Variants in PRKG1 observed in about 807,000 individuals in gnomAD.
The protein encoded by PRKG1 is cGMP-dependent protein kinase 1.
Under a neutral mutation model 88.1 loss-of-function variants are expected in PRKG1, and 35 were observed. The ratio of observed to expected loss-of-function variants is 0.40; its 90% CI spans 0.30 to 0.53. The LOEUF is 0.53. Among genes scored for constraint, PRKG1 ranks in the 20% least tolerant of loss-of-function variants. PRKG1 has a pLI of 0.59. For synonymous variants in PRKG1, 303 were observed against 292.5 expected (o/e 1.04, Z -0.37); for missense variants, 540 against 839.8 (o/e 0.64, Z 4.41).
chr10:52,059,937 G>T (rs926022584), intron 6 of PRKG1, among the ~76,000 whole-genome samples: 1 of 151,770 alleles, frequency 6.6e-6, no homozygotes, highest in Non-Finnish European at 1.5e-5. Context: ...GAAGAAAATT[G>T]TATTTAAAAT....
chr10:51,377,187 C>T (rs905896669), intron 2 of PRKG1, among the ~76,000 whole-genome samples: 5 of 152,100 alleles, frequency 3.3e-5, no homozygotes, highest in East Asian at 1.9e-4. Context: ...TTTTATTTCA[C>T]GTAGTAGTTC....
At chr10:52,102,636 AGGGATCTTGGAGACATTC>A (rs1554804233) in intron 7 of PRKG1, among the ~76,000 whole-genome samples, 1,199 of 143,724 alleles carry the variant, frequency 8.3e-3, no homozygotes, top group Non-Finnish European at 0.013. Context: ...GTTTCAAGAT[AGGGATCTTGGAGACATTC>A]AAGAGCTAAC....
At chr10:51,868,746 A>C (rs1007064453) in intron 4 of PRKG1, among the ~76,000 whole-genome samples, 1 of 152,202 alleles carries the variant, frequency 6.6e-6, no homozygotes, top group Admixed American at 6.5e-5. Flanking sequence ...ACCTGCATAA[A>C]TAATATGGAC....
intron 6 of PRKG1, among the ~76,000 whole-genome samples, chr10:52,054,911 G>T (rs1846074348): frequency 6.6e-6 from 1 of 152,162 alleles, no homozygotes. Context: ...GAGGCAGGTG[G>T]ATCACTCGAG....
chr10:51,582,371 G>A (rs1838062498), intron 3 of PRKG1, among the ~76,000 whole-genome samples: 1 of 152,098 alleles, frequency 6.6e-6, no homozygotes, highest in Admixed American at 6.6e-5. Context: ...GCACAGGTTT[G>A]TTACATAGGT....
chr10:52,070,437 T>C (rs1250466434), intron 7 of PRKG1, among the ~76,000 whole-genome samples: 1 of 152,210 alleles, frequency 6.6e-6, no homozygotes, highest in Non-Finnish European at 1.5e-5. Flanking sequence ...ACATTATGCA[T>C]TTTTGCTATA....
At chr10:52,099,834 A>G (rs1034493667) in intron 7 of PRKG1, among the ~76,000 whole-genome samples, 6 of 152,208 alleles carry the variant, frequency 3.9e-5, no homozygotes, top group African/African-American at 1.4e-4. Context: ...TCATTGGGAC[A>G]AATTAAGATT....
At chr10:51,515,452 G>C (rs183385927) in intron 3 of PRKG1, among the ~76,000 whole-genome samples, 1 of 152,138 alleles carries the variant, frequency 6.6e-6, no homozygotes, top group African/African-American at 2.4e-5. Context: ...GTGTCTAGTA[G>C]TAAAATCAGA....
chr10:52,257,448 A>G (rs1485953911), intron 10 of PRKG1, among the ~76,000 whole-genome samples: 3 of 140,410 alleles, frequency 2.1e-5, no homozygotes, highest in African/African-American at 7.4e-5. Flanking sequence ...GGGAAACCCC[A>G]TGTAAGATGA....
chr10:52,148,063 G>T (rs1837781480), intron 8 of PRKG1, among the ~76,000 whole-genome samples: 1 of 152,182 alleles, frequency 6.6e-6, no homozygotes, highest in African/African-American at 2.4e-5. Context: ...ACTTAAATCA[G>T]TGTACTATGT....
chr10:51,979,127 A>G (rs897865832), intron 5 of PRKG1, among the ~76,000 whole-genome samples: 10 of 152,046 alleles, frequency 6.6e-5, no homozygotes, highest in Non-Finnish European at 1.2e-4. Flanking sequence ...GTTTTGAGGT[A>G]TGTTCCTTCA....
chr10:52,111,417 G>C (rs1260912703), intron 7 of PRKG1, among the ~76,000 whole-genome samples: 1 of 152,146 alleles, frequency 6.6e-6, no homozygotes, highest in African/African-American at 2.4e-5. Flanking sequence ...CAGTATTATA[G>C]GATTTGTAGA....
At chr10:51,777,920 T>C (rs1325624790) in intron 3 of PRKG1, among the ~76,000 whole-genome samples, 5 of 152,186 alleles carry the variant, frequency 3.3e-5, no homozygotes, top group African/African-American at 1.2e-4. Context: ...GCTTCTTTTA[T>C]GTCTTTTCAT....
chr10:51,705,782 C>A (rs866191699), intron 3 of PRKG1, among the ~76,000 whole-genome samples: 8 of 152,144 alleles, frequency 5.3e-5, no homozygotes, highest in African/African-American at 1.9e-4. Flanking sequence ...ACTAGCAGAA[C>A]GAGGATTTGA....
chr10:52,149,217 G>A (rs1028014677), intron 8 of PRKG1, among the ~76,000 whole-genome samples: 2 of 151,648 alleles, frequency 1.3e-5, no homozygotes, highest in African/African-American at 2.4e-5. Context: ...GGGAAAAAAT[G>A]CAAATCTATT....
intron 1 of PRKG1, among the ~76,000 whole-genome samples, chr10:51,012,289 A>G (rs1173073550): frequency 6.6e-6 from 1 of 152,222 alleles, no homozygotes; most frequent in Admixed American, 6.5e-5. Flanking sequence ...GGGAGGAACA[A>G]TAAGTAGTGA....
intron 1 of PRKG1, among the ~76,000 whole-genome samples, 186 bp downstream of exon 1, chr10:51,075,087 A>G (rs1268194581): frequency 1.3e-5 from 2 of 152,204 alleles, no homozygotes; most frequent in Non-Finnish European, 2.9e-5. Flanking sequence ...CTCACTGCAC[A>G]TACGTTGCCT....
At chr10:51,196,415 T>C (rs776111619) in intron 2 of PRKG1, among the ~76,000 whole-genome samples, 1 of 152,104 alleles carries the variant, frequency 6.6e-6, no homozygotes, top group Non-Finnish European at 1.5e-5. Flanking sequence ...TTAGGCAAAA[T>C]TGTACAAAAA....
At chr10:52,150,185 T>TAATAATAATAATAATAA (rs771689961) in intron 8 of PRKG1, among the ~76,000 whole-genome samples, 6 of 149,620 alleles carry the variant, frequency 4.0e-5, no homozygotes, top group African/African-American at 9.8e-5. Flanking sequence ...ATAATAATAA[T>TAATAATAATAATAATAA]TTGATTGGCC....
Sources: gnomAD v4.1 joint callset for allele counts (sites outside exome capture counted in the v4.1 genomes callset) on GRCh38, gnomAD v4.1.1 for gene constraint, MANE v1.5 for transcripts, NCBI Gene and HGNC (gene_info 2026-07-23, HGNC 2026-07-21) for gene names.